POLE2: variants seen among roughly 807,000 people sequenced by gnomAD.
POLE2 encodes the protein DNA polymerase epsilon 2, accessory subunit.
Under a neutral mutation model 79.4 loss-of-function variants are expected in POLE2, and 56 were observed. The ratio of observed to expected loss-of-function variants is 0.71; its 90% CI spans 0.57 to 0.88. The LOEUF (loss-of-function observed/expected upper bound fraction) is 0.88. Among genes scored for constraint, POLE2 ranks in the 40% least tolerant of loss-of-function variants. The pLI is 0.00. For missense variants in POLE2, 598 were observed against 638.9 expected (o/e 0.94, Z 0.69); for synonymous variants, 212 against 214.0 (o/e 0.99, Z 0.08).
chr14:49,654,949 ATTACT>A, intron 12 of POLE2, 51 bp downstream of exon 12: 3 of 1,369,034 alleles, frequency 2.2e-6, no homozygotes, highest in Admixed American at 2.6e-5. Flanking sequence ...ATAATTTCTT[ATTACT>A]TTAGTTTATA....
intron 10 of POLE2, among the ~76,000 whole-genome samples, chr14:49,661,680 A>G (rs1885107758): frequency 6.6e-6 from 1 of 152,192 alleles, no homozygotes; most frequent in South Asian, 2.1e-4. Flanking sequence ...TACACATAAA[A>G]CATACTCACT....
At chr14:49,648,482 A>G (rs1363883744) in intron 17 of POLE2, among the ~76,000 whole-genome samples, 1 of 152,242 alleles carries the variant, frequency 6.6e-6, no homozygotes, top group African/African-American at 2.4e-5. Context: ...TAGCATCACC[A>G]TGAAAGACTA....
At position 49,674,119 on chromosome 14, in the gene POLE2, T is replaced by C; in HGVS notation, c.417+4A>G. 1 of 1,583,538 alleles carries C rather than the reference T, an allele frequency of 6.3e-7. No homozygotes were observed. On this transcript the variant is annotated splice_donor_region_variant and intron_variant, in intron 5 of 18. Coordinates refer to ENST00000216367, the MANE Select transcript of POLE2 (RefSeq NM_002692.4). ...TCCTCCCCTCCGCCCCCTACCAAAC[T>C]TACCTGGTGCAAAATGGTATATCGC...
In POLE2 at chr14:49,670,706, A is replaced by G. The variant is rs149491810; in HGVS notation, c.418-1108T>C. ...TCTCTTTCCAAGAGTTGCTAAGGCT[A>G]CTAGTGGAGATCTTTGTCACTTTAT... On this transcript the variant is annotated intron_variant, in intron 5 of 18. Transcript: ENST00000216367. Among the ~76,000 whole-genome samples, 302 of 152,320 alleles carry G rather than the reference A, an allele frequency of 2.0e-3. 3 individuals are homozygous for G. The highest frequency in any genetic ancestry group is 6.8e-3 in the African/African-American group (281 of 41,568).
At chr14:49,643,851 T>C (rs981683516) in intron 18 of POLE2, among the ~76,000 whole-genome samples, 181 bp from the exon 19 acceptor site, 2 of 150,670 alleles carry the variant, frequency 1.3e-5, no homozygotes, top group African/African-American at 4.9e-5. Context: ...CCCCCTTTTC[T>C]GCTCCCAAAA....
intron 13 of POLE2, 30 bp downstream of exon 13, chr14:49,654,754 G>A: frequency 6.9e-7 from 1 of 1,456,504 alleles, no homozygotes; most frequent in Non-Finnish European, 9.0e-7. Flanking sequence ...GTAAAACGGT[G>A]AAAAAATATA....
chr14:49,669,424 A>G, intron 6 of POLE2, 100 bp downstream of exon 6: 1 of 699,990 alleles, frequency 1.4e-6, no homozygotes, highest in Non-Finnish European at 2.5e-6. Flanking sequence ...AACAGTTACC[A>G]ATAGTTTATT....
At chr14:49,664,070 C>T (rs999762430) in intron 9 of POLE2, among the ~76,000 whole-genome samples, 6 of 148,594 alleles carry the variant, frequency 4.0e-5, no homozygotes, top group Non-Finnish European at 8.9e-5. Context: ...TAATTCAGGC[C>T]GGGCATGGTG....
chr14:49,677,752 C>A, intron 3 of POLE2: 2 of 1,331,758 alleles, frequency 1.5e-6, no homozygotes, highest in Non-Finnish European at 2.0e-6. Context: ...CACAAAGCCC[C>A]ACGCATTCTT....
intron 8 of POLE2, 33 bp from the exon 9 acceptor site, chr14:49,664,707 T>C: frequency 7.4e-7 from 1 of 1,349,014 alleles, no homozygotes; most frequent in Non-Finnish European, 1.1e-6. Context: ...AATTCTATTC[T>C]TGAGGCAGTA....
Position 49,655,787 on chromosome 14 carries a change from G to A in POLE2, c.812C>T (p.Thr271Ile), listed in dbSNP as rs768199776. ...FGGPSNTSVKTSAKLKQLEEE... is the reference protein window; with the variant it reads ...FGGPSNTSVKISAKLKQLEEE... The stretch of plus-strand genomic sequence containing the variant: ...TTCTAGCTGTTTTAGTTTTGCAGAA[G>A]TCTTCACAGATGTATTAGAAGGACC... The change falls in exon 11 of 19, where the codon ACT (threonine) becomes ATT (isoleucine). Residue 271 changes from threonine (T) to isoleucine (I), a missense_variant. Thr to Ile is a moderately conservative substitution (Grantham distance 89). Transcript: ENST00000216367. 1 of 1,601,868 alleles carries A rather than the reference G, an allele frequency of 6.2e-7. No individual in the cohort carries two copies. Among genetic ancestry groups the A allele is most frequent in the Non-Finnish European group, 8.5e-7 (1 of 1,170,110 alleles).
chr14:49,674,555 A>ATTTCTT (rs149697138), intron 3 of POLE2, 128 bp from the exon 4 acceptor site: 209 of 650,914 alleles, frequency 3.2e-4, no homozygotes, highest in Middle Eastern at 8.4e-4. Flanking sequence ...CAGGCACACA[A>ATTTCTT]TTTCTTTTTC....
At chr14:49,679,917 C>G in intron 2 of POLE2, 117 bp from the exon 3 acceptor site, 1 of 618,910 alleles carries the variant, frequency 1.6e-6, no homozygotes, top group Admixed American at 2.9e-5. Context: ...TCTCATTATA[C>G]AGTTTTTGGA....
intron 10 of POLE2, among the ~76,000 whole-genome samples, chr14:49,661,634 G>GT (rs1349087889): frequency 6.6e-6 from 1 of 152,128 alleles, no homozygotes; most frequent in Non-Finnish European, 1.5e-5. Context: ...GGACCATGCT[G>GT]TAGACCTATT....
intron 9 of POLE2, 95 bp from the exon 10 acceptor site, chr14:49,663,482 C>G (rs1885239852): frequency 1.4e-6 from 1 of 715,434 alleles, no homozygotes; most frequent in Non-Finnish European, 2.2e-6. Context: ...AGGCTAGTCT[C>G]ATGCCCTGTG....
intron 5 of POLE2, among the ~76,000 whole-genome samples, 189 bp downstream of exon 5, chr14:49,673,934 T>C (rs968357284): frequency 2.0e-5 from 3 of 152,164 alleles, no homozygotes; most frequent in African/African-American, 7.2e-5. Context: ...AAGGGGAAAA[T>C]AGCTTTTTCA....
intron 5 of POLE2, among the ~76,000 whole-genome samples, chr14:49,669,832 A>G (rs147363716): frequency 6.6e-6 from 1 of 152,348 alleles, no homozygotes; most frequent in African/African-American, 2.4e-5. Flanking sequence ...TGGCAGCAGC[A>G]CATTGTAGGC....
At chr14:49,677,273 T>C in intron 3 of POLE2, 2 of 605,414 alleles carry the variant, frequency 3.3e-6, no homozygotes. Context: ...CAGCTGCTGC[T>C]TCCGTTCTTT....
At chr14:49,663,799 C>T (rs1039935445) in intron 9 of POLE2, among the ~76,000 whole-genome samples, 8 of 151,722 alleles carry the variant, frequency 5.3e-5, no homozygotes, top group African/African-American at 1.5e-4. Context: ...GAGGCTGAGG[C>T]GGGCGGATCA....
Sources: gnomAD v4.1 joint callset for allele counts (sites outside exome capture counted in the v4.1 genomes callset) on GRCh38, gnomAD v4.1.1 for gene constraint, MANE v1.5 for transcripts, NCBI Gene and HGNC (gene_info 2026-07-23, HGNC 2026-07-21) for gene names.